Variants in ADAMTS18 observed in about 807,000 individuals in gnomAD.
ADAMTS18 encodes the protein A disintegrin and metalloproteinase with thrombospondin motifs 18.
ADAMTS18 carries 157 observed loss-of-function variants against 165.9 expected under a neutral mutation model. That is an observed-to-expected ratio of 0.95 (90% CI 0.83 to 1.08). The LOEUF is 1.08. ADAMTS18 is among the 50% of genes least tolerant of loss of function. The probability of loss-of-function intolerance (pLI) is 0.00; values close to 1 mark genes in which losing one functional copy is unlikely to be tolerated. For synonymous variants in ADAMTS18, 782 were observed against 578.2 expected, an observed-to-expected ratio of 1.35 and a Z score of -5.06; for missense variants, 2,040 against 1,534.0, an observed-to-expected ratio of 1.33 and a Z score of -5.51.
intron 3 of ADAMTS18, among the ~76,000 whole-genome samples, chr16:77,373,187 C>A (rs2056900615): frequency 6.6e-6 from 1 of 152,070 alleles, no homozygotes; most frequent in Non-Finnish European, 1.5e-5. Context: ...GTACTCACGA[C>A]CCTATTGAAA....
intron 2 of ADAMTS18, among the ~76,000 whole-genome samples, chr16:77,432,184 T>A (rs977718787): frequency 6.6e-6 from 1 of 152,190 alleles, no homozygotes; most frequent in Non-Finnish European, 1.5e-5. Context: ...TTTCCAATAT[T>A]ATTTATGTGT....
At chr16:77,302,545 C>T (rs78181795) in intron 16 of ADAMTS18, among the ~76,000 whole-genome samples, 2,205 of 152,212 alleles carry the variant, frequency 0.014, 46 homozygotes, top group African/African-American at 0.05. Context: ...AGTATAAATG[C>T]TATACAGAAA....
At chr16:77,291,953 C>A (rs1233505540) in intron 20 of ADAMTS18, among the ~76,000 whole-genome samples, 1 of 152,138 alleles carries the variant, frequency 6.6e-6, no homozygotes, top group African/African-American at 2.4e-5. Context: ...TTTAAATATA[C>A]CCAACCTCTC....
intron 10 of ADAMTS18, among the ~76,000 whole-genome samples, chr16:77,346,147 G>A (rs181110898): frequency 3.3e-5 from 5 of 152,164 alleles, no homozygotes; most frequent in Admixed American, 2.0e-4. Context: ...CTGTGACCTC[G>A]ATATTAAAAA....
At chr16:77,369,569 C>T (rs2056847446) in intron 3 of ADAMTS18, among the ~76,000 whole-genome samples, 1 of 152,138 alleles carries the variant, frequency 6.6e-6, no homozygotes, top group Admixed American at 6.5e-5. Context: ...TCTGAACAAA[C>T]CAATAACGAG....
chr16:77,300,842 T>C (rs1474426640), intron 16 of ADAMTS18, among the ~76,000 whole-genome samples: 3 of 152,200 alleles, frequency 2.0e-5, no homozygotes, highest in Non-Finnish European at 2.9e-5. Flanking sequence ...TATATTTTTA[T>C]GATCTATCCT....
chr16:77,289,069 T>TGGG (rs1324055894), intron 22 of ADAMTS18, among the ~76,000 whole-genome samples, 195 bp downstream of exon 22: 1 of 152,168 alleles, frequency 6.6e-6, no homozygotes, highest in Non-Finnish European at 1.5e-5. Flanking sequence ...TGAGACTGTC[T>TGGG]GAAAAAGATT....
At chr16:77,373,718 A>G (rs1230151627) in intron 3 of ADAMTS18, among the ~76,000 whole-genome samples, 2 of 152,126 alleles carry the variant, frequency 1.3e-5, no homozygotes, top group Admixed American at 6.6e-5. Flanking sequence ...CTATGGAAAT[A>G]AAAAAATAAC....
chr16:77,392,130 C>T (rs760248314), intron 3 of ADAMTS18, among the ~76,000 whole-genome samples: 3 of 152,168 alleles, frequency 2.0e-5, no homozygotes, highest in Non-Finnish European at 4.4e-5. Context: ...CCTGATAATG[C>T]TCTGGGACAG....
At chr16:77,326,642 C>T (rs556502572) in intron 12 of ADAMTS18, among the ~76,000 whole-genome samples, 55 of 152,308 alleles carry the variant, frequency 3.6e-4, no homozygotes, top group African/African-American at 1.3e-3. Context: ...ATCAGGCTCC[C>T]AAAGTGTGGG....
chr16:77,297,342 T>G lies in ADAMTS18; in HGVS notation c.2748A>C (p.Lys916Asn). 1 of 1,614,132 alleles carries G rather than the reference T, an allele frequency of 6.2e-7. No homozygotes were observed. The highest frequency in any genetic ancestry group is 8.5e-7 in the Non-Finnish European group (1 of 1,179,990). The change falls in exon 18 of 23, where the codon AAA becomes AAC. Residue 916 changes from lysine to asparagine, a missense_variant. Coordinates refer to ENST00000282849, the MANE Select transcript of ADAMTS18 (RefSeq NM_199355.4). ...TQVNSSFCSA[K>N]TKPVTEPKIC... ...TTTTGGGCTCAGTTACTGGCTTGGT[T>G]TTTGCACTGCAGAATGAGGAATTGA... is the stretch of plus-strand genomic sequence containing the variant.
intron 3 of ADAMTS18, among the ~76,000 whole-genome samples, chr16:77,408,073 C>G (rs565317542): frequency 6.6e-6 from 1 of 152,078 alleles, no homozygotes; most frequent in Non-Finnish European, 1.5e-5. Context: ...AGATATTTGA[C>G]AAAAGAGGAT....
At chr16:77,324,934 A>G (rs1254062499) in intron 13 of ADAMTS18, among the ~76,000 whole-genome samples, 2 of 152,200 alleles carry the variant, frequency 1.3e-5, no homozygotes, top group Admixed American at 1.3e-4. Flanking sequence ...ATGACCCAAA[A>G]CCACATCAGT....
chr16:77,335,570 T>G (rs1410948264), intron 12 of ADAMTS18, among the ~76,000 whole-genome samples, 186 bp downstream of exon 12: 3 of 152,144 alleles, frequency 2.0e-5, no homozygotes, highest in Non-Finnish European at 2.9e-5. Context: ...ATTATGCTGA[T>G]TTGATCATTC....
At chr16:77,343,650 A>G (rs1382399546) in intron 10 of ADAMTS18, among the ~76,000 whole-genome samples, 1 of 152,200 alleles carries the variant, frequency 6.6e-6, no homozygotes, top group Non-Finnish European at 1.5e-5. Context: ...AGTAACAACC[A>G]CTACACTAGG....
intron 12 of ADAMTS18, among the ~76,000 whole-genome samples, chr16:77,334,763 C>CTGTATATATACTAT (rs1322207133): frequency 1.5e-4 from 1 of 6,854 alleles, no homozygotes; most frequent in Non-Finnish European, 2.1e-4. Flanking sequence ...CTATAGTATA[C>CTGTATATATACTAT]AGTATATATA....
intron 3 of ADAMTS18, among the ~76,000 whole-genome samples, chr16:77,385,264 C>T (rs2057090731): frequency 6.6e-6 from 1 of 152,134 alleles, no homozygotes; most frequent in Admixed American, 6.5e-5. Context: ...AGTCTAACTC[C>T]TTTGCTATTT....
chr16:77,404,716 T>C (rs1242992649), intron 3 of ADAMTS18, among the ~76,000 whole-genome samples: 3 of 152,042 alleles, frequency 2.0e-5, no homozygotes, highest in Admixed American at 6.6e-5. Context: ...TCTCACAGAG[T>C]GCACTCTGTG....
intron 22 of ADAMTS18, among the ~76,000 whole-genome samples, chr16:77,286,260 G>A (rs138240000): frequency 3.9e-5 from 6 of 152,230 alleles, no homozygotes; most frequent in South Asian, 2.1e-4. Context: ...TCAAGTGGTC[G>A]TGCCTGATCA....
Sources: allele counts gnomAD v4.1 joint callset (sites outside exome capture counted in the v4.1 genomes callset), GRCh38; gene constraint gnomAD v4.1.1; transcripts MANE v1.5; gene names NCBI Gene and HGNC (gene_info 2026-07-23, HGNC 2026-07-21).